MMD2: variants seen among roughly 807,000 people sequenced by gnomAD.
MMD2 encodes the protein monocyte to macrophage differentiation associated 2.
In MMD2, 30 loss-of-function variants were observed where a neutral mutation model predicts 33.5. That is an observed-to-expected ratio of 0.90 (90% CI 0.67 to 1.22). MMD2 has a LOEUF of 1.22. Among genes scored for constraint, MMD2 ranks in the 50% most tolerant of loss-of-function variants. The pLI, the probability that MMD2 is intolerant of heterozygous loss-of-function variation, is 0.00. For synonymous variants in MMD2, 129 were observed against 123.0 expected, an observed-to-expected ratio of 1.05 and a Z score of -0.32; for missense variants, 364 against 325.4, an observed-to-expected ratio of 1.12 and a Z score of -0.91.
At chr7:4,926,454 G>T (rs1785429933) in intron 1 of MMD2, among the ~76,000 whole-genome samples, 1 of 151,932 alleles carries the variant, frequency 6.6e-6, no homozygotes, top group Admixed American at 6.6e-5. Flanking sequence ...TCTGCAAGGG[G>T]CAGCTTGAAG....
the MMD2 span, among the ~76,000 whole-genome samples, chr7:4,897,405 G>T: frequency 6.6e-6 from 1 of 152,050 alleles, no homozygotes; most frequent in Non-Finnish European, 1.5e-5. Flanking sequence ...AACACAGAAA[G>T]GGTCCAATAC....
chr7:4,918,523 GC>G (rs780167487), intron 3 of MMD2, among the ~76,000 whole-genome samples: 72 of 128,274 alleles, frequency 5.6e-4, no homozygotes, highest in Middle Eastern at 4.8e-3. Flanking sequence ...TCACTCCGTT[GC>G]CTTAGCTGGA....
intron 3 of MMD2, among the ~76,000 whole-genome samples, chr7:4,917,665 T>C (rs1785175676): frequency 6.6e-6 from 1 of 151,608 alleles, no homozygotes; most frequent in Non-Finnish European, 1.5e-5. Flanking sequence ...GCACTCCAGC[T>C]TGGGCAACAA....
chr7:4,936,547 AT>A (rs1353304902), intron 1 of MMD2, among the ~76,000 whole-genome samples: 1 of 151,938 alleles, frequency 6.6e-6, no homozygotes, highest in African/African-American at 2.4e-5. Flanking sequence ...TAAAAGTGTT[AT>A]TTTTATTTCA....
chr7:4,896,018 G>A, the MMD2 span, among the ~76,000 whole-genome samples: 3 of 151,092 alleles, frequency 2.0e-5, no homozygotes, highest in Admixed American at 1.3e-4. Flanking sequence ...TTCCCCACAT[G>A]ACCCTGCATG....
chr7:4,910,007 C>A lies in MMD2; in HGVS notation c.468-57G>T, dbSNP rs776036343. On this transcript the variant is annotated intron_variant, in intron 5 of 6. Transcript: ENST00000401401. The stretch of plus-strand genomic sequence containing the variant: ...GACATGCCTCCCCACGAAGAAACTG[C>A]ACACAGCTCCCTGTTCTTGGGGAAG... The A allele has an allele frequency of 5.0e-6, 8 of 1,613,842 alleles. No individual in the cohort carries two copies. In the Admixed American group the frequency reaches 1.3e-4, roughly 27 times the overall value.
At chr7:4,952,172 C>A (rs937966994) in intron 1 of MMD2, among the ~76,000 whole-genome samples, 33 of 152,328 alleles carry the variant, frequency 2.2e-4, no homozygotes, top group African/African-American at 7.2e-4. Flanking sequence ...CCAGCCTACT[C>A]CTGCTCCCAG....
In MMD2 at chr7:4,907,344, A is replaced by G. The variant is rs1426435711; in HGVS notation, c.*52T>C. 1.3e-6 allele frequency: 2 copies of G among 1,579,238 alleles called. No homozygotes were observed. The highest frequency in any genetic ancestry group is 2.1e-4 in the Middle Eastern group (1 of 4,832). On this transcript the variant is annotated 3_prime_UTR_variant, in exon 7 of 7. Transcript: ENST00000401401. ...CGCTGTGCTCTGGGTTAACGTTCAC[A>G]GAAACGTGCTCCACTCCTAAAGCCC... is the stretch of plus-strand genomic sequence containing the variant.
In MMD2 at chr7:4,947,758, G is replaced by A. The variant is rs111626553; in HGVS notation, c.47+11213C>T. On this transcript the variant is annotated intron_variant, in intron 1 of 6. Transcript: ENST00000401401. ...TCTGTTGCCCAGGCTGGAGCACAGT[G>A]GTGCGATATCAGCTCACTGCAAACT... Among the ~76,000 whole-genome samples, 782 of 139,746 alleles carry A rather than the reference G, an allele frequency of 5.6e-3. 12 individuals are homozygous for A. Among genetic ancestry groups the A allele is most frequent in the African/African-American group, 0.02 (746 of 36,644 alleles). 91.7% of individuals were successfully genotyped at this position (139,746 alleles called of 152,430 possible).
intron 6 of MMD2, among the ~76,000 whole-genome samples, chr7:4,908,582 A>C (rs1784923266): frequency 6.6e-6 from 1 of 152,144 alleles, no homozygotes; most frequent in Admixed American, 6.6e-5. Flanking sequence ...CCCAGGGGTC[A>C]GCCAAGGAAT....
chr7:4,940,948 C>T lies in MMD2; in HGVS notation c.48-15416G>A, dbSNP rs919960471. ...TGTGGCTCCCCGGGAAATCTCTTCC[C>T]CTATGGGATGAGAAGGGTCCGTATC... On this transcript the variant is annotated intron_variant, in intron 1 of 6. Transcript: ENST00000401401. This position sits in a 1 kb window ranked among gnomAD's most constrained non-coding sequence, Gnocchi z 5.0. Among the ~76,000 whole-genome samples, 2 of 152,146 alleles carry T rather than the reference C, an allele frequency of 1.3e-5. No individual in the cohort carries two copies. Among genetic ancestry groups the T allele is most frequent in the African/African-American group, 2.4e-5 (1 of 41,440 alleles).
intron 2 of MMD2, among the ~76,000 whole-genome samples, chr7:4,923,652 T>C (rs1397453271): frequency 6.6e-6 from 1 of 152,140 alleles, no homozygotes; most frequent in East Asian, 1.9e-4. Context: ...TGTCGATGAG[T>C]TAGCTTGTGG....
At chr7:4,911,796 G>A (rs1419182230) in intron 4 of MMD2, among the ~76,000 whole-genome samples, 1 of 151,894 alleles carries the variant, frequency 6.6e-6, no homozygotes, top group African/African-American at 2.4e-5. Context: ...TTACAGGCAT[G>A]CGCCACCATG....
intron 1 of MMD2, among the ~76,000 whole-genome samples, chr7:4,938,071 G>C (rs1337880523): frequency 1.6e-5 from 2 of 124,000 alleles, no homozygotes; most frequent in Non-Finnish European, 3.1e-5. Context: ...GAGTGCAATG[G>C]CACGATCTCA....
chr7:4,951,395 C>A (rs1786239544), intron 1 of MMD2, among the ~76,000 whole-genome samples: 1 of 152,094 alleles, frequency 6.6e-6, no homozygotes, highest in South Asian at 2.1e-4. Context: ...CCACGCCCAG[C>A]CTGTGTTGCA....
At chr7:4,922,715 C>A (rs565724366) in intron 2 of MMD2, among the ~76,000 whole-genome samples, 8 of 152,224 alleles carry the variant, frequency 5.3e-5, no homozygotes, top group Admixed American at 5.2e-4. Context: ...GCTGGGACCA[C>A]AGACACATGC....
chr7:4,949,696 G>A (rs113104177), intron 1 of MMD2, among the ~76,000 whole-genome samples: 3,077 of 152,080 alleles, frequency 0.02, 113 homozygotes, highest in African/African-American at 0.071. Context: ...ATTTTTTGTA[G>A]AGACGGGGTT....
At chr7:4,922,659 C>G (rs992850013) in intron 2 of MMD2, among the ~76,000 whole-genome samples, 1 of 152,114 alleles carries the variant, frequency 6.6e-6, no homozygotes, top group Non-Finnish European at 1.5e-5. Flanking sequence ...ACTGCAGCCT[C>G]GACATCCTGG....
downstream of MMD2, among the ~76,000 whole-genome samples, chr7:4,901,894 G>A (rs1341678357): frequency 6.6e-6 from 1 of 152,246 alleles, no homozygotes; most frequent in Non-Finnish European, 1.5e-5. Flanking sequence ...GCCCTGGCAT[G>A]AGTATTTACA....
Sources: allele counts gnomAD v4.1 joint callset (sites outside exome capture counted in the v4.1 genomes callset), GRCh38; gene constraint gnomAD v4.1.1; non-coding constraint Gnocchi (gnomAD v3.1); transcripts MANE v1.5; gene names NCBI Gene and HGNC (gene_info 2026-07-23, HGNC 2026-07-21).